Variants in PTPRD observed in about 807,000 individuals in gnomAD.
PTPRD encodes protein tyrosine phosphatase receptor type D, also known as receptor-type tyrosine-protein phosphatase delta.
A neutral mutation model predicts 214.5 loss-of-function variants in PTPRD; 34 were observed. That is an observed-to-expected ratio of 0.16 (90% CI 0.12 to 0.21). PTPRD has a LOEUF of 0.21. PTPRD is among the 10% of genes least tolerant of loss of function. The pLI is 1.00. For missense variants in PTPRD, 2,545 were observed against 2,398.7 expected, an observed-to-expected ratio of 1.06 and a Z score of -1.27; for synonymous variants, 1,128 against 845.7, an observed-to-expected ratio of 1.33 and a Z score of -5.79.
intron 7 of PTPRD, among the ~76,000 whole-genome samples, chr9:9,733,269 C>G (rs988465344): frequency 6.6e-6 from 1 of 152,108 alleles, no homozygotes; most frequent in Non-Finnish European, 1.5e-5. Flanking sequence ...GATGCAGACC[C>G]CAGTGGTTCA....
intron 8 of PTPRD, among the ~76,000 whole-genome samples, chr9:9,406,326 T>C (rs1437413656): frequency 1.3e-5 from 2 of 151,944 alleles, no homozygotes; most frequent in African/African-American, 2.4e-5. Flanking sequence ...GCTTAGAACA[T>C]TAAGCTTGAA....
At chr9:8,800,150 T>C (rs141084473) in intron 11 of PTPRD, among the ~76,000 whole-genome samples, 10 of 152,214 alleles carry the variant, frequency 6.6e-5, no homozygotes, top group Non-Finnish European at 1.5e-4. Context: ...AGTACATATG[T>C]ATGTATGTGT....
chr9:10,171,769 C>T (rs555214297), intron 3 of PTPRD, among the ~76,000 whole-genome samples: 1 of 152,178 alleles, frequency 6.6e-6, no homozygotes, highest in Admixed American at 6.5e-5. Context: ...GTGATCCACC[C>T]GCCGTGGCCT....
chr9:8,436,472 ATCATATTTGAG>A, intron 35 of PTPRD, 109 bp downstream of exon 35: 1 of 683,470 alleles, frequency 1.5e-6, no homozygotes, highest in Non-Finnish European at 2.4e-6. Flanking sequence ...ACATTTTTAT[ATCATATTTGAG>A]TCATATTTAA....
At chr9:10,075,597 G>C (rs897252263) in intron 3 of PTPRD, among the ~76,000 whole-genome samples, 6 of 151,872 alleles carry the variant, frequency 4.0e-5, no homozygotes, top group Non-Finnish European at 8.8e-5. Context: ...TGTCTAGACA[G>C]TACTTTGTGC....
chr9:8,431,146 C>A (rs1225771935), intron 35 of PTPRD, among the ~76,000 whole-genome samples: 1 of 152,158 alleles, frequency 6.6e-6, no homozygotes, highest in African/African-American at 2.4e-5. Flanking sequence ...TGTGTCACCA[C>A]AACAAACAGT....
At chr9:8,722,247 T>A (rs1347432553) in intron 12 of PTPRD, among the ~76,000 whole-genome samples, 1 of 151,748 alleles carries the variant, frequency 6.6e-6, no homozygotes, top group African/African-American at 2.4e-5. Flanking sequence ...CAGGAGCCTG[T>A]GAGAGCTGTG....
chr9:8,909,586 G>A lies in PTPRD; in HGVS notation c.-104+109111C>T, dbSNP rs567409040. ...AACTTTCAACAAACTAAGCAAATAAGGATTTCATCAACCTGAAACAGGACA... is the reference window on the plus strand; with the variant it reads ...AACTTTCAACAAACTAAGCAAATAAAGATTTCATCAACCTGAAACAGGACA... On this transcript the variant is annotated intron_variant, in intron 11 of 45. Coordinates refer to ENST00000381196, the MANE Select transcript of PTPRD (RefSeq NM_002839.4). Among the ~76,000 whole-genome samples the A allele has an allele frequency of 3.3e-5, 5 of 152,130 alleles. No homozygotes were observed. The South Asian group carries it at 8.3e-4, about 25-fold the overall frequency.
At chr9:9,835,504 GGAAA>G (rs1463812284) in intron 5 of PTPRD, among the ~76,000 whole-genome samples, 6 of 152,140 alleles carry the variant, frequency 3.9e-5, no homozygotes, top group East Asian at 3.9e-4. Context: ...TAGAGTATGC[GGAAA>G]GAAAGAAACT....
At chr9:9,255,885 G>C (rs1044675554) in intron 9 of PTPRD, among the ~76,000 whole-genome samples, 14 of 152,010 alleles carry the variant, frequency 9.2e-5, no homozygotes, top group African/African-American at 3.4e-4. Context: ...AGGATTCAGA[G>C]AGAATGTTCA....
intron 11 of PTPRD, among the ~76,000 whole-genome samples, chr9:8,981,421 A>G (rs2099312108): frequency 6.6e-6 from 1 of 152,000 alleles, no homozygotes; most frequent in Admixed American, 6.6e-5. Flanking sequence ...TTAAGTAGGT[A>G]TCGTTTAGTA....
chr9:9,942,159 C>T (rs1603206692), intron 4 of PTPRD, among the ~76,000 whole-genome samples: 1 of 152,218 alleles, frequency 6.6e-6, no homozygotes, highest in South Asian at 2.1e-4. Context: ...CATTGATTGG[C>T]ATCTGTGTGT....
At chr9:10,060,827 TCTTC>T (rs756969216) in intron 3 of PTPRD, among the ~76,000 whole-genome samples, 1,213 of 119,770 alleles carry the variant, frequency 0.01, 59 homozygotes, top group Non-Finnish European at 0.013. Context: ...TTTCTTTCTT[TCTTC>T]CTTCCTTCCT....
rs77219388 is a variant in PTPRD, at chr9:9,016,644, C to T, written c.-104+2053G>A. On this transcript the variant is annotated intron_variant, in intron 11 of 45. Coordinates refer to ENST00000381196, the MANE Select transcript of PTPRD (RefSeq NM_002839.4). Reference sequence around the variant, plus strand: ...TGATGACTAAAGCTTCTTAAATGGTCGTTTGACCTACCCCCTAAATGACTT... The same window carrying T: ...TGATGACTAAAGCTTCTTAAATGGTTGTTTGACCTACCCCCTAAATGACTT... Among the ~76,000 whole-genome samples the T allele has an allele frequency of 2.2e-4, 33 of 152,200 alleles. No individual in the cohort carries two copies. In the East Asian group the frequency reaches 5.2e-3, roughly 24 times the overall value.
At chr9:10,176,175 C>A (rs548953151) in intron 3 of PTPRD, among the ~76,000 whole-genome samples, 1 of 151,738 alleles carries the variant, frequency 6.6e-6, no homozygotes, top group African/African-American at 2.4e-5. Flanking sequence ...TTGTATTAAC[C>A]TTTTAATATT....
chr9:8,768,113 G>C (rs2154481510), intron 11 of PTPRD, among the ~76,000 whole-genome samples: 1 of 152,278 alleles, frequency 6.6e-6, no homozygotes, highest in East Asian at 1.9e-4. Flanking sequence ...AAGATATTAA[G>C]TGTGGGCGTG....
intron 9 of PTPRD, among the ~76,000 whole-genome samples, chr9:9,218,010 G>T (rs141950576): frequency 1.3e-5 from 2 of 152,204 alleles, no homozygotes; most frequent in East Asian, 3.9e-4. Flanking sequence ...TGTTCACTCT[G>T]TTTGTTTCTG....
At chr9:9,953,287 T>C (rs964008016) in intron 4 of PTPRD, among the ~76,000 whole-genome samples, 1 of 152,052 alleles carries the variant, frequency 6.6e-6, no homozygotes, top group East Asian at 1.9e-4. Context: ...GAATCAGTTA[T>C]AGGCATGAAC....
At chr9:8,729,205 A>G (rs550851190) in intron 12 of PTPRD, among the ~76,000 whole-genome samples, 4 of 152,312 alleles carry the variant, frequency 2.6e-5, no homozygotes, top group African/African-American at 9.6e-5. Context: ...TCTACTATCC[A>G]TTCTACCCAA....
Sources: allele counts gnomAD v4.1 joint callset (sites outside exome capture counted in the v4.1 genomes callset), GRCh38; gene constraint gnomAD v4.1.1; transcripts MANE v1.5; gene names NCBI Gene and HGNC (gene_info 2026-07-23, HGNC 2026-07-21).